The following BCR variants were observed in gnomAD, a reference collection of about 807,000 sequenced individuals.
BCR encodes the protein breakpoint cluster region protein.
A neutral mutation model predicts 138.6 loss-of-function variants in BCR; 58 were observed. The ratio of observed to expected loss-of-function variants is 0.42; its 90% CI spans 0.34 to 0.52. The LOEUF (loss-of-function observed/expected upper bound fraction) is 0.52. BCR is among the 20% of genes least tolerant of loss of function. The pLI, the probability that BCR is intolerant of heterozygous loss-of-function variation, is 0.06. For missense variants in BCR, 1,599 were observed against 1,727.2 expected (o/e 0.93, Z 1.32); for synonymous variants, 786 against 730.1 (o/e 1.08, Z -1.23).
At chr22:23,303,450 A>G (rs2073924435) in intron 16 of BCR, among the ~76,000 whole-genome samples, 1 of 152,172 alleles carries the variant, frequency 6.6e-6, no homozygotes, top group African/African-American at 2.4e-5. Context: ...TCACCCATTC[A>G]GGGGGGTCTC....
intron 1 of BCR, among the ~76,000 whole-genome samples, chr22:23,186,768 G>A (rs1036858402): frequency 6.6e-6 from 1 of 152,028 alleles, no homozygotes; most frequent in Non-Finnish European, 1.5e-5. Flanking sequence ...GTGCAGTGGC[G>A]TGATCTCTGC....
intron 1 of BCR, among the ~76,000 whole-genome samples, chr22:23,225,529 G>A (rs1404221337): frequency 2.0e-5 from 3 of 152,232 alleles, no homozygotes; most frequent in Non-Finnish European, 4.4e-5. Flanking sequence ...AGTCTGCATT[G>A]GTGGCTAATC....
intron 1 of BCR, among the ~76,000 whole-genome samples, chr22:23,195,106 G>A (rs139176816): frequency 0.012 from 1,784 of 151,506 alleles, 29 homozygotes; most frequent in African/African-American, 0.04. Context: ...GTGAAATGTC[G>A]TCTCTACCAA....
rs185515901 is a variant in BCR at position 23,297,247 on chromosome 22, G to T, written c.3012+2092G>T. 7.7e-3 allele frequency among the ~76,000 whole-genome samples: 1,007 copies of T among 130,290 alleles called. 12 individuals are homozygous for T. The highest frequency in any genetic ancestry group is 0.018 in the Middle Eastern group (4 of 218). 85.5% of individuals were successfully genotyped at this position (130,290 alleles called of 152,430 possible). On this transcript the variant is annotated intron_variant, in intron 16 of 22. Transcript: ENST00000305877. ...TTTTTTTTTTTTTTTTCGAGACAGA[G>T]TTTTGCTCTTGTTGCCCAGGCCGGA...
At chr22:23,290,799 T>TCTG in intron 14 of BCR, 2 of 250,748 alleles carry the variant, frequency 8.0e-6, no homozygotes, top group South Asian at 1.2e-4. Context: ...ATTTGGCTGC[T>TCTG]CTGTCGAGCT....
intron 1 of BCR, among the ~76,000 whole-genome samples, chr22:23,192,109 G>C (rs925484001): frequency 6.6e-6 from 1 of 152,182 alleles, no homozygotes; most frequent in African/African-American, 2.4e-5. Flanking sequence ...TGTGAAGACC[G>C]GACACCCCAC....
At chr22:23,244,975 T>C (rs913192324) in intron 1 of BCR, among the ~76,000 whole-genome samples, 25 of 152,080 alleles carry the variant, frequency 1.6e-4, no homozygotes, top group Non-Finnish European at 3.2e-4. Flanking sequence ...CCTTTAACAG[T>C]GTTCTGGATC....
chr22:23,254,695 C>T, intron 2 of BCR: 2 of 450,316 alleles, frequency 4.4e-6, no homozygotes, highest in Non-Finnish European at 9.0e-6. Context: ...TTCAGCAATG[C>T]TCTGGGGCCC....
intron 1 of BCR, among the ~76,000 whole-genome samples, chr22:23,237,509 TCTC>T (rs1415082919): frequency 2.6e-5 from 4 of 152,216 alleles, no homozygotes; most frequent in African/African-American, 9.6e-5. Flanking sequence ...GGGTCCTCTC[TCTC>T]CTCTTGCATC....
intron 8 of BCR, among the ~76,000 whole-genome samples, chr22:23,281,406 T>C (rs1463595362): frequency 6.6e-6 from 1 of 152,214 alleles, no homozygotes; most frequent in Admixed American, 6.5e-5. Flanking sequence ...TCGGGTGGGC[T>C]ATGCAGGAAG....
At position 23,263,109 on chromosome 22, in the gene BCR, G is replaced by A. The variant is rs913624073; in HGVS notation, c.1752+1569G>A. ...ACAAGGACAAGGAGGTCAGGTTTGG[G>A]CCTACATCCCGGGGACAGGGGCGGC... is the stretch of plus-strand genomic sequence containing the variant. On this transcript the variant is annotated intron_variant, in intron 4 of 22. Coordinates refer to ENST00000305877, the MANE Select transcript of BCR (RefSeq NM_004327.4). The A allele has an allele frequency of 2.3e-5, 16 of 707,228 alleles. 1 individual carries two copies. The South Asian group carries it at 2.4e-4, about 11-fold the overall frequency. The allele number at this position is 707,228 out of a possible 1,614,324, so 43.8% of individuals were successfully genotyped here.
At chr22:23,268,690 C>A (rs987862638) in intron 5 of BCR, among the ~76,000 whole-genome samples, 175 bp downstream of exon 5, 1 of 152,292 alleles carries the variant, frequency 6.6e-6, no homozygotes, top group Admixed American at 6.5e-5. Flanking sequence ...GTGCGCAGAC[C>A]GAAGGAGCAG....
chr22:23,292,427 C>CT (rs1001439053), intron 14 of BCR, 114 bp from the exon 15 acceptor site: 3,773 of 784,420 alleles, frequency 4.8e-3, no homozygotes, highest in East Asian at 5.8e-3. Flanking sequence ...AAGTTACAAC[C>CT]TTTTTTTTTT....
chr22:23,185,977 C>A (rs1007832345), intron 1 of BCR, among the ~76,000 whole-genome samples: 8 of 149,448 alleles, frequency 5.4e-5, no homozygotes, highest in African/African-American at 2.0e-4. Context: ...GTTCCGCCCG[C>A]CTCAGCCTCC....
intron 16 of BCR, among the ~76,000 whole-genome samples, chr22:23,295,434 C>T (rs1028044398): frequency 2.0e-5 from 3 of 152,120 alleles, no homozygotes; most frequent in Non-Finnish European, 4.4e-5. Context: ...AGTTCCTGCC[C>T]GGCCTTAGGA....
chr22:23,314,858 G>A (rs2074050843), intron 22 of BCR, 144 bp downstream of exon 22: 2 of 1,125,424 alleles, frequency 1.8e-6, no homozygotes, highest in South Asian at 1.3e-5. Flanking sequence ...GCCTAGGTCT[G>A]CATGGATGGG....
At chr22:23,241,928 C>G (rs1284719926) in intron 1 of BCR, among the ~76,000 whole-genome samples, 2 of 152,168 alleles carry the variant, frequency 1.3e-5, no homozygotes, top group Non-Finnish European at 2.9e-5. Context: ...CAAAATCACC[C>G]TCTTCCTCTC....
chr22:23,183,132 G>A (rs1017795060), intron 1 of BCR, among the ~76,000 whole-genome samples: 6 of 152,178 alleles, frequency 3.9e-5, no homozygotes, highest in Non-Finnish European at 7.4e-5. Flanking sequence ...GGGATTGTAC[G>A]CCTAACTTCT....
chr22:23,183,470 C>A (rs1382596641), intron 1 of BCR, among the ~76,000 whole-genome samples: 2 of 152,230 alleles, frequency 1.3e-5, no homozygotes, highest in African/African-American at 4.8e-5. Context: ...TACTGATCTT[C>A]CATTTGCAGC....
Sources: gnomAD v4.1 joint callset for allele counts (sites outside exome capture counted in the v4.1 genomes callset) on GRCh38, gnomAD v4.1.1 for gene constraint, MANE v1.5 for transcripts, NCBI Gene and HGNC (gene_info 2026-07-23, HGNC 2026-07-21) for gene names.